Variants in PHRF1 observed in about 807,000 individuals in gnomAD.
PHRF1 encodes PHD and ring finger domains 1.
PHRF1 carries 53 observed loss-of-function variants against 128.9 expected under a neutral mutation model. The ratio of observed to expected loss-of-function variants is 0.41; its 90% CI spans 0.33 to 0.52. The LOEUF is 0.52. PHRF1 is among the 20% of genes least tolerant of loss of function. The pLI, the probability that PHRF1 is intolerant of heterozygous loss-of-function variation, is 0.21. For missense variants in PHRF1, 2,503 were observed against 2,284.5 expected (o/e 1.10, Z -1.95); for synonymous variants, 1,178 against 980.6 (o/e 1.20, Z -3.76).
intron 6 of PHRF1, among the ~76,000 whole-genome samples, chr11:596,639 C>T (rs1162544284): frequency 6.6e-6 from 1 of 152,152 alleles, no homozygotes; most frequent in African/African-American, 2.4e-5. Context: ...CCTGGGGAGG[C>T]CCCCTTCCTG....
intron 10 of PHRF1, among the ~76,000 whole-genome samples, chr11:603,751 T>TTTTTC (rs1855785214): frequency 8.3e-6 from 1 of 120,748 alleles, no homozygotes; most frequent in African/African-American, 2.9e-5. Context: ...TTTTTTTTTT[T>TTTTTC]GAGATGGAGT....
At chr11:586,417 C>T (rs7938821) in intron 3 of PHRF1, among the ~76,000 whole-genome samples, 5,991 of 152,346 alleles carry the variant, frequency 0.039, 407 homozygotes, top group African/African-American at 0.14. Flanking sequence ...TGTGTCTTTC[C>T]CTTTGCCAGA....
At position 605,045 on chromosome 11, in the gene PHRF1, C is replaced by T. The variant is rs1855860656; in HGVS notation, c.1153-74C>T. 3.9e-5 allele frequency: 56 copies of T among 1,420,120 alleles called. No individual in the cohort carries two copies. The Middle Eastern group carries it at 1.3e-3, about 32-fold the overall frequency. The allele number at this position is 1,420,120 out of a possible 1,614,324, so 88.0% of individuals were successfully genotyped here. A position where few individuals can be genotyped will look rare whatever the true frequency, so the allele number is the denominator to read the frequency against. ...TTCACTGTTGCTGATGAAGGCTTCA[C>T]GTGGCATTTACAGAGCCCTCGTAGA... On this transcript the variant is annotated intron_variant, in intron 10 of 17. Transcript: ENST00000264555.
chr11:609,226 T>G lies in PHRF1; in HGVS notation c.3770T>G (p.Leu1257Arg). The G allele has an allele frequency of 1.9e-6, 3 of 1,610,524 alleles. No individual in the cohort carries two copies. The highest frequency in any genetic ancestry group is 2.5e-6 in the Non-Finnish European group (3 of 1,179,880). Residue 1257 changes from leucine to arginine, a missense_variant, in exon 14 of 18, where the codon CTG becomes CGG. By Grantham distance (102) the Leu-to-Arg change is moderately radical. Transcript: ENST00000264555. Reference sequence around the variant, plus strand: ...GCAGCTGAGTGTGAGCCGGACGACCTGGACCTGGATTATGGCGACTCCGTG... The same window carrying G: ...GCAGCTGAGTGTGAGCCGGACGACCGGGACCTGGATTATGGCGACTCCGTG... ...EVAAECEPDDLDLDYGDSVEA... is the reference protein window; with the variant it reads ...EVAAECEPDDRDLDYGDSVEA...
At chr11:586,751 G>T (rs1272119669) in intron 3 of PHRF1, among the ~76,000 whole-genome samples, 1 of 152,194 alleles carries the variant, frequency 6.6e-6, no homozygotes, top group African/African-American at 2.4e-5. Context: ...AGGAGTCTGT[G>T]CTCTGCCTCC....
chr11:585,896 C>T (rs1001861534), intron 3 of PHRF1, among the ~76,000 whole-genome samples: 1 of 151,922 alleles, frequency 6.6e-6, no homozygotes, highest in Non-Finnish European at 1.5e-5. Flanking sequence ...GAGTCTTGCT[C>T]TGTTGCCCAG....
intron 6 of PHRF1, among the ~76,000 whole-genome samples, chr11:593,547 G>A (rs993164976): frequency 3.3e-5 from 5 of 152,264 alleles, no homozygotes; most frequent in African/African-American, 1.2e-4. Flanking sequence ...GCCCCCACCT[G>A]TCACCTCGTT....
chr11:586,650 A>G (rs1253310446), intron 3 of PHRF1, among the ~76,000 whole-genome samples: 2 of 150,770 alleles, frequency 1.3e-5, no homozygotes, highest in African/African-American at 4.9e-5. Flanking sequence ...GCCGTGTTGA[A>G]CTCGGAGCAT....
At position 608,207 on chromosome 11, in the gene PHRF1, G is replaced by A. The variant is rs200915859; in HGVS notation, c.2751G>A (p.Thr917=). 45 of 1,609,330 alleles carry A rather than the reference G, an allele frequency of 2.8e-5. No individual in the cohort carries two copies. In the East Asian group the frequency reaches 2.9e-4, roughly 10 times the overall value. ...TGGCTGCCGAGGGGGCCTCTGACAC[G>A]GAGCGAGAGGAGCCCACAGAGAGCC... The part of the protein sequence containing the change: ...GAVAAEGASD[T]EREEPTESQG... The change falls in exon 14 of 18, where the codon ACG becomes ACA. Residue 917 remains threonine, a synonymous_variant. Coordinates refer to ENST00000264555, the MANE Select transcript of PHRF1 (RefSeq NM_001286581.2).
intron 17 of PHRF1, among the ~76,000 whole-genome samples, chr11:611,365 C>G (rs887001576): frequency 2.0e-5 from 3 of 152,228 alleles, no homozygotes; most frequent in African/African-American, 7.2e-5. Flanking sequence ...AGAACGACCC[C>G]CAGAGGTGAG....
Position 605,696 on chromosome 11 carries a change from G to A in PHRF1, c.1426G>A (p.Ala476Thr). 1 of 1,612,708 alleles carries A rather than the reference G, an allele frequency of 6.2e-7. No homozygotes were observed. The highest frequency in any genetic ancestry group is 8.5e-7 in the Non-Finnish European group (1 of 1,179,820). Residue 476 changes from alanine to threonine, a missense_variant, in exon 12 of 18, where the codon GCC becomes ACC. Transcript: ENST00000264555. ...AGCCCTGCAGTCCCACCAGCCCGTG[G>A]CCAGGCCCGTCTCCGTGGGGCTTTC... ...RSALQSHQPVARPVSVGLSRR... is the reference protein window; with the variant it reads ...RSALQSHQPVTRPVSVGLSRR...
In PHRF1 at chr11:609,031, CAG is replaced by C; in HGVS notation, c.3580_3581del (p.Arg1194GlufsTer57). On this transcript the variant is annotated frameshift_variant, in exon 14 of 18. Coordinates refer to ENST00000264555, the MANE Select transcript of PHRF1 (RefSeq NM_001286581.2). LOFTEE classifies it high-confidence loss of function. ...TGGCCGCAGACCCGGTCCCATTCCC[CAG>C]AGAGGAAGGGGGCTGTGAGGGAGGC... is the stretch of plus-strand genomic sequence containing the variant. 6.3e-7 allele frequency: 1 copy of C among 1,595,608 alleles called. No individual in the cohort carries two copies. The highest frequency in any genetic ancestry group is 8.5e-7 in the Non-Finnish European group (1 of 1,171,928).
At position 605,162 on chromosome 11, in the gene PHRF1, T is replaced by C. The variant is rs1855868671; in HGVS notation, c.1196T>C (p.Leu399Pro). Residue 399 changes from leucine (L) to proline (P), a missense_variant, in exon 11 of 18, where the codon CTG (leucine) becomes CCG (proline). Leu to Pro is a moderately conservative substitution (Grantham distance 98, BLOSUM62 -3). Transcript: ENST00000264555. Reference sequence around the variant, plus strand: ...TCTCGAATCGCGCGGACGCTGGGCCTGCGCAGGCCTGTTCACAGCAGCTGC... The same window carrying C: ...TCTCGAATCGCGCGGACGCTGGGCCCGCGCAGGCCTGTTCACAGCAGCTGC... ...TRSRIARTLG[L>P]RRPVHSSCIP... 2 of 1,613,308 alleles carry C rather than the reference T, an allele frequency of 1.2e-6. No individual in the cohort carries two copies. Among genetic ancestry groups the C allele is most frequent in the East Asian group, 2.2e-5 (1 of 44,878 alleles).
chr11:606,592 G>T lies in PHRF1; in HGVS notation c.1605G>T (p.Arg535Ser). 6.2e-7 allele frequency: 1 copy of T among 1,601,594 alleles called. No homozygotes were observed. ...GCGACGGCTCCCTCAGCGCCAAGAG[G>T]GCGGGTGAGTGCCTTCCCTGCCACG... ...IHRDGSLSAKRAAPVSFQRNS... is the reference protein window; with the variant it reads ...IHRDGSLSAKSAAPVSFQRNS... Residue 535 changes from arginine to serine, a missense_variant, in exon 13 of 18, where the codon AGG becomes AGT. Coordinates refer to ENST00000264555, the MANE Select transcript of PHRF1 (RefSeq NM_001286581.2).
At chr11:582,759 C>CAG (rs1854282874) in intron 3 of PHRF1, among the ~76,000 whole-genome samples, 1 of 151,662 alleles carries the variant, frequency 6.6e-6, no homozygotes, top group Admixed American at 6.6e-5. Flanking sequence ...CTCCTGACCT[C>CAG]GTGATCCGCC....
At chr11:577,322 C>T (rs1414546228) in intron 1 of PHRF1, among the ~76,000 whole-genome samples, 3 of 152,214 alleles carry the variant, frequency 2.0e-5, no homozygotes, top group South Asian at 2.1e-4. Flanking sequence ...CTTGTGTTGC[C>T]CCTTCTTCGG....
At chr11:600,643 C>G (rs1479579084) in intron 9 of PHRF1, among the ~76,000 whole-genome samples, 1 of 151,192 alleles carries the variant, frequency 6.6e-6, no homozygotes, top group Admixed American at 6.6e-5. Context: ...CCAGCCTGGC[C>G]AACTTAACAA....
At chr11:586,152 C>T (rs564038722) in intron 3 of PHRF1, among the ~76,000 whole-genome samples, 4 of 152,272 alleles carry the variant, frequency 2.6e-5, no homozygotes, top group East Asian at 3.9e-4. Flanking sequence ...TGAGCCACCA[C>T]GCCTGGCAAT....
Position 609,447 on chromosome 11 carries a change from C to T in PHRF1, c.3991C>T (p.Pro1331Ser). 9.3e-6 allele frequency: 15 copies of T among 1,606,464 alleles called. No homozygotes were observed. Among genetic ancestry groups the T allele is most frequent in the Non-Finnish European group, 1.3e-5 (15 of 1,179,638 alleles). The change falls in exon 14 of 18, where the codon CCT becomes TCT. Residue 1331 changes from proline to serine, a missense_variant. Transcript: ENST00000264555. ...GGTGTCATTGATGCACGATGAAGAC[C>T]CTTCGCAGCCCCCACCCCTGCCAGA... ...REVSLMHDED[P>S]SQPPPLPEGT...
Sources: allele counts gnomAD v4.1 joint callset (sites outside exome capture counted in the v4.1 genomes callset), GRCh38; gene constraint gnomAD v4.1.1; transcripts MANE v1.5; gene names NCBI Gene and HGNC (gene_info 2026-07-23, HGNC 2026-07-21).